The following KCNQ2 variants were observed in gnomAD, a reference collection of about 807,000 sequenced individuals.
The protein encoded by KCNQ2 is potassium voltage-gated channel subfamily KQT member 2.
KCNQ2 carries 14 observed loss-of-function variants against 84.8 expected under a neutral mutation model. That is an observed-to-expected ratio of 0.17 (90% confidence interval 0.11 to 0.26). The LOEUF (loss-of-function observed/expected upper bound fraction) is 0.26. Among genes scored for constraint, KCNQ2 ranks in the 10% least tolerant of loss-of-function variants. The pLI, the probability that KCNQ2 is intolerant of heterozygous loss-of-function variation, is 1.00. For missense variants in KCNQ2, 788 were observed against 1,254.0 expected (o/e 0.63, Z 5.61); for synonymous variants, 599 against 554.1 (o/e 1.08, Z -1.14).
chr20:63,443,526 T>TCACCAC (rs1278732548), intron 4 of KCNQ2: 1 of 75,428 alleles, frequency 1.3e-5, no homozygotes. Context: ...ACCATCACCA[T>TCACCAC]CACCACCACC....
chr20:63,466,913 C>T (rs2082097017), intron 1 of KCNQ2, among the ~76,000 whole-genome samples: 1 of 152,246 alleles, frequency 6.6e-6, no homozygotes, highest in South Asian at 2.1e-4. Context: ...CTCAGAGCTG[C>T]CTGGCATGCA....
At chr20:63,416,836 G>A (rs1310876009) in intron 12 of KCNQ2, among the ~76,000 whole-genome samples, 12 of 152,122 alleles carry the variant, frequency 7.9e-5, no homozygotes, top group Non-Finnish European at 1.8e-4. Context: ...GCCTGGACAC[G>A]CGGATCGCTT....
rs1284237785 is a variant in KCNQ2, at chr20:63,472,151, C to T, written c.296+17G>A. The T allele has an allele frequency of 1.4e-6, 2 of 1,481,014 alleles. No individual in the cohort carries two copies. The highest frequency in any genetic ancestry group is 1.8e-6 in the Non-Finnish European group (2 of 1,113,230). The allele number at this position is 1,481,014 out of a possible 1,614,324, so 91.7% of individuals were successfully genotyped here. A position where few individuals can be genotyped will look rare whatever the true frequency, so the allele number is the denominator to read the frequency against. ...GTCGCCATGGGGGTCGCCACGGGGG[C>T]CCCGCCGGCCACTCACACGTAGGCG... On this transcript the variant is annotated intron_variant, in intron 1 of 16. Transcript: ENST00000359125.
rs974886396 is a variant in KCNQ2 at position 63,460,305 on chromosome 20, C to A, written c.296+11863G>T. Reference sequence around the variant, plus strand: ...AGCTGGGGTGGAGAGGGGCTCCCCCCACCCTCAACAAGGGGGCTCCTCCTG... The same window carrying A: ...AGCTGGGGTGGAGAGGGGCTCCCCCAACCCTCAACAAGGGGGCTCCTCCTG... On this transcript the variant is annotated intron_variant, in intron 1 of 16. Coordinates refer to ENST00000359125, the MANE Select transcript of KCNQ2 (RefSeq NM_172107.4). The surrounding 1 kb of genome is among the most constrained non-coding windows in gnomAD (Gnocchi z 5.4). Among the ~76,000 whole-genome samples the A allele has an allele frequency of 2.0e-5, 3 of 152,164 alleles. No individual in the cohort carries two copies. The highest frequency in any genetic ancestry group is 4.8e-5 in the African/African-American group (2 of 41,438).
chr20:63,407,233 C>T lies in KCNQ2; in HGVS notation c.2030G>A (p.Arg677Gln), dbSNP rs1326189284. ...GCAGCCGTGCCTGTCGACATGCTCC[C>T]GGCTGTCTTCCGGGCTGTGGTACGG... ...APPYHSPEDS[R>Q]EHVDRHGCIV... Residue 677 changes from arginine to glutamine, a missense_variant, in exon 17 of 17, where the codon CGG becomes CAG. Physicochemically the swap from Arg to Gln is conservative, Grantham distance 43 (BLOSUM62 1). Coordinates refer to ENST00000359125, the MANE Select transcript of KCNQ2 (RefSeq NM_172107.4). This position sits in a 1 kb window ranked among gnomAD's most constrained non-coding sequence, Gnocchi z 7.2. The T allele has an allele frequency of 6.9e-6, 11 of 1,603,074 alleles. No homozygotes were observed. The highest frequency in any genetic ancestry group is 1.6e-4 in the Middle Eastern group (1 of 6,078).
chr20:63,444,511 C>T, intron 4 of KCNQ2, 148 bp downstream of exon 4: 3 of 534,480 alleles, frequency 5.6e-6, no homozygotes, highest in Non-Finnish European at 9.0e-6. Flanking sequence ...CTCGTTCACA[C>T]CTGATGGGCT....
At chr20:63,419,420 A>C (rs753889558) in intron 12 of KCNQ2, among the ~76,000 whole-genome samples, 199 bp downstream of exon 12, 11 of 152,216 alleles carry the variant, frequency 7.2e-5, no homozygotes, top group Non-Finnish European at 1.2e-4. Context: ...GAGCAAGAAG[A>C]AGCACCTTCC....
At chr20:63,412,643 A>C (rs537489334) in intron 15 of KCNQ2, among the ~76,000 whole-genome samples, 26 of 152,230 alleles carry the variant, frequency 1.7e-4, no homozygotes, top group Admixed American at 4.6e-4. Flanking sequence ...GAGGGCCCGG[A>C]GTTGGGCTGT....
rs536366837 is a variant in KCNQ2, at chr20:63,406,671, G to A, written c.2592C>T (p.Asp864=). The change falls in exon 17 of 17, where the codon GAC becomes GAT. Residue 864 remains aspartate, a synonymous_variant. Transcript: ENST00000359125. ...ACTTCCTGGGCCCGGCCCAGCCCAC[G>A]TCACCAAAGGGACCCTCGCCGGTGG... ...RSATGEGPFG[D]VGWAGPRK The A allele has an allele frequency of 1.5e-4, 238 of 1,599,948 alleles. 4 individuals are homozygous for A. In the South Asian group the frequency reaches 2.4e-3, roughly 16 times the overall value.
intron 15 of KCNQ2, chr20:63,409,999 T>C (rs2080072535): frequency 3.5e-6 from 1 of 287,458 alleles, no homozygotes; most frequent in South Asian, 2.9e-5. Flanking sequence ...GCCAGGGGTG[T>C]TATCTTCTTT....
intron 1 of KCNQ2, among the ~76,000 whole-genome samples, chr20:63,458,212 C>T (rs992672543): frequency 1.3e-5 from 2 of 152,162 alleles, no homozygotes; most frequent in East Asian, 1.9e-4. Flanking sequence ...CCACTGAGCC[C>T]GCAGAGAAGC....
intron 11 of KCNQ2, 88 bp downstream of exon 11, chr20:63,424,089 C>T: frequency 6.9e-7 from 1 of 1,439,890 alleles, no homozygotes; most frequent in Non-Finnish European, 9.6e-7. Flanking sequence ...GCCCTCACAT[C>T]TCCATGACAG....
In KCNQ2 at chr20:63,411,117, G is replaced by A. The variant is rs547433297; in HGVS notation, c.1763+2333C>T. 42 of 414,624 alleles carry A rather than the reference G, an allele frequency of 1.0e-4. 1 individual carries two copies. The East Asian group carries it at 3.0e-3, about 30-fold the overall frequency. 25.7% of individuals were successfully genotyped at this position (414,624 alleles called of 1,614,324 possible). ...TATCAAAAACACTAATTAGGATGCT[G>A]GCAGCTTGAAAGCCAGCACCGGAGC... On this transcript the variant is annotated intron_variant, in intron 15 of 16. Transcript: ENST00000359125.
intron 4 of KCNQ2, among the ~76,000 whole-genome samples, chr20:63,443,280 CCAT>C (rs1396740533): frequency 1.4e-4 from 8 of 57,190 alleles, no homozygotes; most frequent in African/African-American, 5.2e-4. Context: ...ACCACCATCA[CCAT>C]CACCATCATC....
chr20:63,445,116 A>C, intron 3 of KCNQ2, 122 bp downstream of exon 3: 1 of 1,347,282 alleles, frequency 7.4e-7, no homozygotes, highest in Non-Finnish European at 1.0e-6. Context: ...AGAAACTTCC[A>C]GAAGGAGCCA....
chr20:63,453,484 C>T (rs182061794), intron 1 of KCNQ2, among the ~76,000 whole-genome samples: 11 of 152,214 alleles, frequency 7.2e-5, no homozygotes, highest in Non-Finnish European at 1.2e-4. Flanking sequence ...CTTCTGCGGG[C>T]GATCCTCTGT....
chr20:63,453,869 C>T (rs6062946), intron 1 of KCNQ2, among the ~76,000 whole-genome samples: 28,784 of 151,952 alleles, frequency 0.19, 3,281 homozygotes, highest in Non-Finnish European at 0.27. Flanking sequence ...GACTTGAGAA[C>T]AGGGCGGGGT....
At chr20:63,457,564 C>T (rs1198969312) in intron 1 of KCNQ2, among the ~76,000 whole-genome samples, 8 of 152,262 alleles carry the variant, frequency 5.3e-5, no homozygotes, top group East Asian at 1.9e-4. Flanking sequence ...AGGGGGCTCT[C>T]GATGCCCCAC....
chr20:63,408,642 C>G lies in KCNQ2; in HGVS notation c.1764-106G>C. 6.5e-7 allele frequency: 1 copy of G among 1,527,638 alleles called. No homozygotes were observed. Among genetic ancestry groups the G allele is most frequent in the Non-Finnish European group, 8.8e-7 (1 of 1,133,786 alleles). 94.6% of individuals were successfully genotyped at this position (1,527,638 alleles called of 1,614,324 possible). A position where few individuals can be genotyped will look rare whatever the true frequency, so the allele number is the denominator to read the frequency against. On this transcript the variant is annotated intron_variant, in intron 15 of 16. Coordinates refer to ENST00000359125, the MANE Select transcript of KCNQ2 (RefSeq NM_172107.4). The surrounding 1 kb of genome is among the most constrained non-coding windows in gnomAD (Gnocchi z 5.0). ...AGTGCCCCTGGGTCTAGGCTGCAGG[C>G]TCAGCCCAGAGCCGACCAGGGGGCA...
Sources: allele counts gnomAD v4.1 joint callset (sites outside exome capture counted in the v4.1 genomes callset), GRCh38; gene constraint gnomAD v4.1.1; non-coding constraint Gnocchi (gnomAD v3.1); transcripts MANE v1.5; gene names NCBI Gene and HGNC (gene_info 2026-07-23, HGNC 2026-07-21).